EEFSEC: variants seen among roughly 807,000 people sequenced by gnomAD.
EEFSEC encodes selenocysteine-specific elongation factor.
EEFSEC carries 43 observed loss-of-function variants against 42.1 expected under a neutral mutation model. That is an observed-to-expected ratio of 1.02 (90% confidence interval 0.80 to 1.32). The LOEUF (loss-of-function observed/expected upper bound fraction) is 1.32, where lower values mean the gene tolerates loss of function less well. Among genes scored for constraint, EEFSEC ranks in the 40% most tolerant of loss-of-function variants. The pLI is 0.00. For missense variants in EEFSEC, 745 were observed against 803.6 expected, an observed-to-expected ratio of 0.93 and a Z score of 0.88; for synonymous variants, 354 against 339.1, an observed-to-expected ratio of 1.04 and a Z score of -0.48.
At chr3:128,214,955 T>C (rs1475150864) in intron 1 of EEFSEC, among the ~76,000 whole-genome samples, 1 of 152,140 alleles carries the variant, frequency 6.6e-6, no homozygotes, top group Non-Finnish European at 1.5e-5. Flanking sequence ...TCAGAAACCT[T>C]TGTTGAAGAT....
chr3:128,254,740 C>G (rs1306735814), intron 2 of EEFSEC, among the ~76,000 whole-genome samples: 2 of 152,068 alleles, frequency 1.3e-5, no homozygotes, highest in Admixed American at 6.5e-5. Context: ...CACCCTGGGC[C>G]AGGACTTCAT....
intron 4 of EEFSEC, among the ~76,000 whole-genome samples, chr3:128,328,742 T>C (rs890711241): frequency 6.6e-6 from 1 of 152,210 alleles, no homozygotes; most frequent in African/African-American, 2.4e-5. Context: ...GAGCCTTGTA[T>C]CCAGTGTCCA....
chr3:128,392,888 G>C (rs2067932665), intron 6 of EEFSEC, among the ~76,000 whole-genome samples: 1 of 152,174 alleles, frequency 6.6e-6, no homozygotes, highest in Non-Finnish European at 1.5e-5. Flanking sequence ...GGGGTGGTGG[G>C]TACAGCCCCC....
intron 2 of EEFSEC, among the ~76,000 whole-genome samples, chr3:128,255,323 G>A (rs1043189043): frequency 3.3e-5 from 5 of 152,186 alleles, no homozygotes; most frequent in Non-Finnish European, 7.3e-5. Flanking sequence ...CAGGGAGGAG[G>A]GAAGGATGCC....
chr3:128,319,628 A>G (rs537024109), intron 4 of EEFSEC, among the ~76,000 whole-genome samples: 1 of 152,182 alleles, frequency 6.6e-6, no homozygotes, highest in Non-Finnish European at 1.5e-5. Flanking sequence ...GGTCAGAATA[A>G]TAAGCACACC....
chr3:128,352,066 C>T (rs1047294899), intron 5 of EEFSEC, among the ~76,000 whole-genome samples: 3 of 152,210 alleles, frequency 2.0e-5, no homozygotes, highest in African/African-American at 7.2e-5. Flanking sequence ...AGGTCTCTTT[C>T]CTTTAGCTGG....
intron 1 of EEFSEC, among the ~76,000 whole-genome samples, chr3:128,154,918 G>A (rs1225807076): frequency 6.6e-6 from 1 of 152,150 alleles, no homozygotes; most frequent in Admixed American, 6.5e-5. Context: ...TGTGTTTTCG[G>A]TCGTGGTGGG....
chr3:128,240,953 C>G (rs2066063762), intron 1 of EEFSEC, among the ~76,000 whole-genome samples: 1 of 152,192 alleles, frequency 6.6e-6, no homozygotes, highest in Non-Finnish European at 1.5e-5. Flanking sequence ...AGGCTCTCGC[C>G]CTGGAGTCTG....
At chr3:128,310,042 C>G (rs2066873686) in intron 4 of EEFSEC, among the ~76,000 whole-genome samples, 1 of 152,212 alleles carries the variant, frequency 6.6e-6, no homozygotes, top group South Asian at 2.1e-4. Context: ...ACACCTTGTG[C>G]AGCTTAATGA....
In EEFSEC at chr3:128,274,673, G is replaced by A. The variant is rs141179446; in HGVS notation, c.786+9892G>A. Among the ~76,000 whole-genome samples the A allele has an allele frequency of 3.9e-5, 6 of 152,280 alleles. No individual in the cohort carries two copies. The East Asian group carries it at 7.7e-4, about 20-fold the overall frequency. On this transcript the variant is annotated intron_variant, in intron 4 of 6. Transcript: ENST00000254730. ...TGGGTGGAATTAAATGAGTTTTATT[G>A]TTTCTAGGACAAGATAGGGATTTGA... is the stretch of plus-strand genomic sequence containing the variant.
chr3:128,181,183 CCA>C (rs2065401705), intron 1 of EEFSEC, among the ~76,000 whole-genome samples: 1 of 152,182 alleles, frequency 6.6e-6, no homozygotes, highest in Non-Finnish European at 1.5e-5. Flanking sequence ...CAAAGAGCTG[CCA>C]CAGTTTCCTA....
intron 1 of EEFSEC, among the ~76,000 whole-genome samples, chr3:128,222,039 T>G (rs920846169): frequency 5.5e-5 from 8 of 145,084 alleles, no homozygotes; most frequent in South Asian, 4.5e-4. Context: ...TTTTTTTTTT[T>G]TTTTTTTTTT....
chr3:128,412,606 G>T (rs183267187), downstream of EEFSEC, among the ~76,000 whole-genome samples: 33 of 152,364 alleles, frequency 2.2e-4, no homozygotes, highest in East Asian at 4.8e-3. Flanking sequence ...GGGCCCGTGT[G>T]CCTGCTTGCT....
intron 1 of EEFSEC, among the ~76,000 whole-genome samples, chr3:128,240,162 C>T (rs1479099711): frequency 6.6e-6 from 1 of 152,206 alleles, no homozygotes; most frequent in Non-Finnish European, 1.5e-5. Context: ...TCCCCAACTC[C>T]ATCAGCAGGC....
chr3:128,249,193 A>G (rs1028541213), intron 2 of EEFSEC, among the ~76,000 whole-genome samples: 2 of 152,370 alleles, frequency 1.3e-5, no homozygotes, highest in East Asian at 3.9e-4. Context: ...CCATGTACCT[A>G]TCAAAACCAA....
intron 2 of EEFSEC, among the ~76,000 whole-genome samples, chr3:128,248,984 C>T (rs894388145): frequency 2.6e-5 from 4 of 152,228 alleles, no homozygotes; most frequent in Admixed American, 2.6e-4. Flanking sequence ...AGAGGACTGT[C>T]ACCCTGAGGG....
chr3:128,342,225 G>A (rs950339437), intron 5 of EEFSEC, among the ~76,000 whole-genome samples: 1 of 152,266 alleles, frequency 6.6e-6, no homozygotes, highest in East Asian at 1.9e-4. Context: ...GTGTCAGATG[G>A]CAGCGGTTAG....
intron 6 of EEFSEC, among the ~76,000 whole-genome samples, chr3:128,363,929 A>G (rs1479234796): frequency 5.3e-5 from 8 of 152,124 alleles, no homozygotes; most frequent in Non-Finnish European, 8.8e-5. Flanking sequence ...GCGGGCAGAC[A>G]CCAACCTCAT....
chr3:128,226,491 T>C (rs2107857005), intron 1 of EEFSEC, among the ~76,000 whole-genome samples: 1 of 152,314 alleles, frequency 6.6e-6, no homozygotes, highest in Non-Finnish European at 1.5e-5. Context: ...GGGAAGTGCA[T>C]GCTCAGCATC....
Sources: gnomAD v4.1 joint callset for allele counts (sites outside exome capture counted in the v4.1 genomes callset) on GRCh38, gnomAD v4.1.1 for gene constraint, MANE v1.5 for transcripts, NCBI Gene and HGNC (gene_info 2026-07-23, HGNC 2026-07-21) for gene names.